Variants in LRRC4C observed in about 807,000 individuals in gnomAD.
LRRC4C encodes leucine-rich repeat-containing protein 4C.
LRRC4C carries 5 observed loss-of-function variants against 33.6 expected under a neutral mutation model. That is an observed-to-expected ratio of 0.15 (90% CI 0.08 to 0.31). LRRC4C has a LOEUF of 0.31. Among genes scored for constraint, LRRC4C ranks in the 10% least tolerant of loss-of-function variants. The pLI, the probability that LRRC4C is intolerant of heterozygous loss-of-function variation, is 1.00. For synonymous variants in LRRC4C, 329 were observed against 302.0 expected (o/e 1.09, Z -0.93); for missense variants, 560 against 796.7 (o/e 0.70, Z 3.58).
In LRRC4C at chr11:40,624,922, C is replaced by T. The variant is rs78488498; in HGVS notation, c.-270+23220G>A. Among the ~76,000 whole-genome samples the T allele has an allele frequency of 6.7e-3, 1,018 of 151,996 alleles. 7 individuals carry two copies. The highest frequency in any genetic ancestry group is 0.017 in the Middle Eastern group (5 of 294). On this transcript the variant is annotated intron_variant, in intron 3 of 6. Coordinates refer to ENST00000528697, the MANE Select transcript of LRRC4C (RefSeq NM_001258419.2). ...TTAAGGTCATTTATTATTAGCAAAA[C>T]CAACAAATTTCTGAGGCCATAGTAA...
At chr11:40,629,737 T>A (rs1031318119) in intron 3 of LRRC4C, among the ~76,000 whole-genome samples, 1 of 152,172 alleles carries the variant, frequency 6.6e-6, no homozygotes, top group Non-Finnish European at 1.5e-5. Flanking sequence ...TTATTCTCTG[T>A]CCCTTCATAT....
intron 1 of LRRC4C, among the ~76,000 whole-genome samples, chr11:41,067,705 C>T (rs182631674): frequency 2.0e-4 from 31 of 152,200 alleles, no homozygotes; most frequent in Non-Finnish European, 1.5e-4. Context: ...TAATAACAGT[C>T]TCTCAGACCA....
chr11:40,861,905 A>G (rs1450920558), intron 2 of LRRC4C, among the ~76,000 whole-genome samples: 1 of 152,156 alleles, frequency 6.6e-6, no homozygotes, highest in African/African-American at 2.4e-5. Flanking sequence ...ACTCATTACA[A>G]TGGGGAGGAG....
intron 3 of LRRC4C, among the ~76,000 whole-genome samples, chr11:40,347,097 G>T (rs951604326): frequency 6.6e-6 from 1 of 152,200 alleles, no homozygotes; most frequent in Non-Finnish European, 1.5e-5. Context: ...TCTTGGATGG[G>T]ATCTTCTTAC....
chr11:40,520,348 C>T (rs1158503336), intron 3 of LRRC4C, among the ~76,000 whole-genome samples: 1 of 150,112 alleles, frequency 6.7e-6, no homozygotes, highest in African/African-American at 2.5e-5. Flanking sequence ...AACATGCTTT[C>T]TTCACTAAGT....
chr11:41,087,323 T>C (rs533361155), intron 1 of LRRC4C, among the ~76,000 whole-genome samples: 22 of 152,260 alleles, frequency 1.4e-4, no homozygotes, highest in African/African-American at 5.1e-4. Flanking sequence ...GGAGTGACAT[T>C]GTTAAAAACA....
chr11:40,151,912 C>A (rs190835232), intron 5 of LRRC4C, among the ~76,000 whole-genome samples: 290 of 152,266 alleles, frequency 1.9e-3, no homozygotes, highest in Non-Finnish European at 3.3e-3. Flanking sequence ...AGAATAATTT[C>A]AGCTTCAAAA....
chr11:41,171,770 T>C (rs1242253746), intron 1 of LRRC4C, among the ~76,000 whole-genome samples: 1 of 151,990 alleles, frequency 6.6e-6, no homozygotes, highest in Non-Finnish European at 1.5e-5. Flanking sequence ...CAAAATAATA[T>C]TCCTTACCAA....
chr11:41,277,461 A>G (rs1474109969), intron 1 of LRRC4C, among the ~76,000 whole-genome samples: 1 of 152,180 alleles, frequency 6.6e-6, no homozygotes, highest in Non-Finnish European at 1.5e-5. Context: ...TGGAAAATGT[A>G]TTTCCATACT....
intron 3 of LRRC4C, among the ~76,000 whole-genome samples, chr11:40,455,356 G>T (rs868163934): frequency 1.8e-4 from 28 of 152,256 alleles, no homozygotes; most frequent in Middle Eastern, 3.4e-3. Context: ...CCAAGGATAG[G>T]CATCCATCTG....
rs58327570 is a variant in LRRC4C at position 40,254,728 on chromosome 11, A to G, written c.-175-13130T>C. On this transcript the variant is annotated intron_variant, in intron 4 of 6. Coordinates refer to ENST00000528697, the MANE Select transcript of LRRC4C (RefSeq NM_001258419.2). Reference sequence around the variant, plus strand: ...CTGAAGATGTAACAGTAAATACAACAAACAAAATGTCTTGTCTCTTAGCTT... The same window carrying G: ...CTGAAGATGTAACAGTAAATACAACGAACAAAATGTCTTGTCTCTTAGCTT... Among the ~76,000 whole-genome samples the G allele has an allele frequency of 6.8e-3, 1,041 of 152,308 alleles. 9 individuals are homozygous for G. The highest frequency in any genetic ancestry group is 0.024 in the African/African-American group (983 of 41,572).
intron 2 of LRRC4C, among the ~76,000 whole-genome samples, chr11:40,777,486 G>A (rs1204257907): frequency 2.9e-4 from 35 of 122,114 alleles, no homozygotes; most frequent in Non-Finnish European, 5.0e-4. Flanking sequence ...ACCATTCTTT[G>A]TCCTTTTTTA....
chr11:40,552,999 G>A (rs745864271), intron 3 of LRRC4C, among the ~76,000 whole-genome samples: 7 of 152,100 alleles, frequency 4.6e-5, no homozygotes, highest in Admixed American at 1.3e-4. Context: ...GGCCGGGTGC[G>A]GTAACTCATG....
chr11:40,686,534 G>A (rs375961015), intron 2 of LRRC4C, among the ~76,000 whole-genome samples: 1 of 152,120 alleles, frequency 6.6e-6, no homozygotes, highest in Non-Finnish European at 1.5e-5. Flanking sequence ...ATTTTCTCAG[G>A]TGATTCTCTA....
chr11:40,636,844 ACTCTGTCTTCTT>A (rs753216971), intron 3 of LRRC4C, among the ~76,000 whole-genome samples: 3 of 151,820 alleles, frequency 2.0e-5, no homozygotes, highest in Non-Finnish European at 2.9e-5. Context: ...ATGTTCACTC[ACTCTGTCTTCTT>A]TGGCAAGGTG....
At chr11:41,032,896 A>G (rs1253181779) in intron 1 of LRRC4C, among the ~76,000 whole-genome samples, 1 of 152,060 alleles carries the variant, frequency 6.6e-6, no homozygotes, top group Non-Finnish European at 1.5e-5. Context: ...ATTCAGTCAT[A>G]ATCAACATAC....
intron 2 of LRRC4C, among the ~76,000 whole-genome samples, chr11:40,925,123 T>TTCTCTCTCTCTCTC (rs56945447): frequency 6.7e-6 from 1 of 149,444 alleles, no homozygotes; most frequent in Non-Finnish European, 1.5e-5. Flanking sequence ...CCCCAAATAT[T>TTCTCTCTCTCTCTC]TCTCTCTCTC....
At chr11:40,848,023 T>G (rs1017296487) in intron 2 of LRRC4C, among the ~76,000 whole-genome samples, 92 of 151,952 alleles carry the variant, frequency 6.1e-4, no homozygotes, top group African/African-American at 2.2e-3. Context: ...GTTTTTATTG[T>G]GTATATTTGA....
chr11:40,295,383 G>T (rs925460211), intron 4 of LRRC4C, among the ~76,000 whole-genome samples: 1 of 152,054 alleles, frequency 6.6e-6, no homozygotes, highest in African/African-American at 2.4e-5. Flanking sequence ...CCTAAGTGAT[G>T]ATCTTTGCAC....
Sources: gnomAD v4.1 joint callset for allele counts (sites outside exome capture counted in the v4.1 genomes callset) on GRCh38, gnomAD v4.1.1 for gene constraint, MANE v1.5 for transcripts, NCBI Gene and HGNC (gene_info 2026-07-23, HGNC 2026-07-21) for gene names.